Variants in ANKRD31 observed in about 807,000 individuals in gnomAD.
ANKRD31 encodes ankyrin repeat domain-containing protein 31.
In ANKRD31, 147 loss-of-function variants were observed where a neutral mutation model predicts 186.0. The ratio of observed to expected loss-of-function variants is 0.79; its 90% confidence interval spans 0.69 to 0.91. The LOEUF is 0.91. Ranked by LOEUF, ANKRD31 falls within the 40% of genes least tolerant of loss-of-function variation. The probability of loss-of-function intolerance (pLI) is 0.00; values close to 1 mark genes in which losing one functional copy is unlikely to be tolerated. For synonymous variants in ANKRD31, 673 were observed against 736.4 expected (o/e 0.91, Z 1.39); for missense variants, 1,986 against 2,148.8 (o/e 0.92, Z 1.50).
At chr5:75,133,606 C>T (rs9762922) in intron 17 of ANKRD31, among the ~76,000 whole-genome samples, 2,820 of 152,176 alleles carry the variant, frequency 0.019, 103 homozygotes, top group African/African-American at 0.063. Flanking sequence ...GACAGATCAA[C>T]GAGACAGAAA....
intron 17 of ANKRD31, 45 bp downstream of exon 17, chr5:75,137,811 T>C: frequency 7.4e-7 from 1 of 1,353,246 alleles, no homozygotes; most frequent in Non-Finnish European, 9.5e-7. Flanking sequence ...CTTCATTCAT[T>C]TCCTAAGAAA....
At chr5:75,096,889 C>T (rs1292909813) in intron 22 of ANKRD31, among the ~76,000 whole-genome samples, 1 of 151,068 alleles carries the variant, frequency 6.6e-6, no homozygotes, top group African/African-American at 2.4e-5. Flanking sequence ...CAATTCCCAC[C>T]TATGAGTGAG....
At chr5:75,178,288 G>A (rs1004317387) in intron 10 of ANKRD31, among the ~76,000 whole-genome samples, 5 of 152,132 alleles carry the variant, frequency 3.3e-5, no homozygotes, top group African/African-American at 9.7e-5. Context: ...AATAATGGGA[G>A]ACTTTAACAC....
At chr5:75,093,277 T>C (rs1286947974) in intron 22 of ANKRD31, among the ~76,000 whole-genome samples, 1 of 152,194 alleles carries the variant, frequency 6.6e-6, no homozygotes, top group East Asian at 1.9e-4. Flanking sequence ...GGTCGGGAGT[T>C]TGAGACCAGC....
chr5:75,141,143 C>T (rs892324385), intron 15 of ANKRD31, among the ~76,000 whole-genome samples: 1 of 152,138 alleles, frequency 6.6e-6, no homozygotes, highest in Admixed American at 6.5e-5. Flanking sequence ...TAAATGTCAT[C>T]AACCATGCAT....
At chr5:75,187,022 A>AGTGT (rs10624220) in intron 10 of ANKRD31, among the ~76,000 whole-genome samples, 14,229 of 142,634 alleles carry the variant, frequency 0.1, 704 homozygotes, top group East Asian at 0.12. Flanking sequence ...TGAGACACAG[A>AGTGT]GTGTGTGTGT....
Position 75,105,086 on chromosome 5 carries a change from A to G in ANKRD31, c.4473T>C (p.Asn1491=). The G allele has an allele frequency of 3.9e-6, 6 of 1,536,940 alleles. No homozygotes were observed. Among genetic ancestry groups the G allele is most frequent in the Non-Finnish European group, 5.2e-6 (6 of 1,146,822 alleles). Residue 1491 remains asparagine, a synonymous_variant, in exon 22 of 26, where the codon AAT becomes AAC. Transcript: ENST00000506364. ...KISLKIQNCR[N]VTSLPCLSLR... is the part of the protein sequence containing the mutation. ...AACTAAGACAAGGCAATGATGTAAC[A>G]TTCCTACAGTTTTGAATTTTCAGGC... is the stretch of plus-strand genomic sequence containing the variant.
At chr5:75,140,302 G>A (rs150879124) in intron 15 of ANKRD31, among the ~76,000 whole-genome samples, 2 of 43,542 alleles carry the variant, frequency 4.6e-5, no homozygotes, top group African/African-American at 6.3e-4. Context: ...AGGAAGGAAG[G>A]AAGGAAGGAA....
intron 9 of ANKRD31, among the ~76,000 whole-genome samples, chr5:75,190,574 T>C (rs1755036542): frequency 6.6e-6 from 1 of 151,574 alleles, no homozygotes. Flanking sequence ...CTTGAAGTCC[T>C]AGACCAATAA....
At chr5:75,221,825 T>C (rs1044964001) in intron 3 of ANKRD31, among the ~76,000 whole-genome samples, 2 of 152,182 alleles carry the variant, frequency 1.3e-5, no homozygotes, top group Admixed American at 1.3e-4. Context: ...CTCCTCTTTA[T>C]GATCTTCTTA....
Position 75,192,765 on chromosome 5 carries a change from G to T in ANKRD31, c.1310C>A (p.Pro437Gln). ...SSAQNFRMQD[P>Q]ALMIDGKEKN... ...CTCTTTACCATCAATCATTAAAGCC[G>T]GATCCTGCATTCTTGAAAAACAACG... Residue 437 changes from proline to glutamine, a missense_variant, in exon 9 of 26, where the codon CCG becomes CAG. Physicochemically the swap from Pro to Gln is moderately conservative, Grantham distance 76 (BLOSUM62 -1). Coordinates refer to ENST00000506364, the MANE Select transcript of ANKRD31 (RefSeq NM_001372053.1). The T allele has an allele frequency of 6.5e-7, 1 of 1,531,660 alleles. No individual in the cohort carries two copies. Among genetic ancestry groups the T allele is most frequent in the South Asian group, 1.2e-5 (1 of 82,650 alleles). The allele number at this position is 1,531,660 out of a possible 1,614,324, so 94.9% of individuals were successfully genotyped here. A position where few individuals can be genotyped will look rare whatever the true frequency, so the allele number is the denominator to read the frequency against.
chr5:75,103,963 A>G (rs1747119939), intron 22 of ANKRD31, among the ~76,000 whole-genome samples: 2 of 152,210 alleles, frequency 1.3e-5, no homozygotes, highest in East Asian at 3.8e-4. Flanking sequence ...TCATTTACCT[A>G]TGTAACAAAC....
At chr5:75,195,519 A>T (rs1755401470) in intron 7 of ANKRD31, 112 bp downstream of exon 7, 1 of 928,626 alleles carries the variant, frequency 1.1e-6, no homozygotes, top group Non-Finnish European at 1.6e-6. Flanking sequence ...AGGCAAAATC[A>T]TAGACTCATA....
At chr5:75,102,851 A>G (rs1047630359) in intron 22 of ANKRD31, among the ~76,000 whole-genome samples, 1 of 152,102 alleles carries the variant, frequency 6.6e-6, no homozygotes, top group Non-Finnish European at 1.5e-5. Flanking sequence ...TTGGCTAGGA[A>G]AGGGAATTCC....
At chr5:75,104,199 A>G in intron 22 of ANKRD31, 29 bp downstream of exon 22, 1 of 1,431,548 alleles carries the variant, frequency 7.0e-7, no homozygotes, top group Non-Finnish European at 9.2e-7. Flanking sequence ...TAAAATTTGC[A>G]TGATTTTAGA....
chr5:75,147,213 GTT>G lies in ANKRD31; in HGVS notation c.2196_2197del (p.Lys732AsnfsTer4). On this transcript the variant is annotated frameshift_variant, in exon 14 of 26. Coordinates refer to ENST00000506364, the MANE Select transcript of ANKRD31 (RefSeq NM_001372053.1). LOFTEE classifies it high-confidence loss of function. ...ATCTACTTGGGTCCTTTTATGTTGT[GTT>G]TTTCTTCTTCCTATACCTTTTGGTA... 2 of 1,536,156 alleles carry G rather than the reference GTT, an allele frequency of 1.3e-6. No individual in the cohort carries two copies. Among genetic ancestry groups the G allele is most frequent in the Non-Finnish European group, 1.7e-6 (2 of 1,146,242 alleles).
intron 11 of ANKRD31, among the ~76,000 whole-genome samples, chr5:75,156,101 C>T (rs560884277): frequency 4.2e-4 from 64 of 152,168 alleles, no homozygotes; most frequent in East Asian, 7.7e-4. Context: ...GATGGGGTTT[C>T]GCCTTGTTGG....
At chr5:75,094,747 T>C (rs1028191807) in intron 22 of ANKRD31, among the ~76,000 whole-genome samples, 2 of 152,094 alleles carry the variant, frequency 1.3e-5, no homozygotes, top group African/African-American at 4.8e-5. Flanking sequence ...ATTATCAGAC[T>C]GGACTAAAAA....
At chr5:75,165,135 C>T (rs1752830444) in intron 11 of ANKRD31, among the ~76,000 whole-genome samples, 2 of 152,242 alleles carry the variant, frequency 1.3e-5, no homozygotes, top group South Asian at 2.1e-4. Context: ...TTTGTACCCA[C>T]TTCCATGGTA....
Sources: allele counts gnomAD v4.1 joint callset (sites outside exome capture counted in the v4.1 genomes callset), GRCh38; gene constraint gnomAD v4.1.1; transcripts MANE v1.5; gene names NCBI Gene and HGNC (gene_info 2026-07-23, HGNC 2026-07-21).